Variants in GCNT1 observed in about 807,000 individuals in gnomAD.
The protein encoded by GCNT1 is beta-1,3-galactosyl-O-glycosyl-glycoprotein beta-1,6-N-acetylglucosaminyltransferase.
In GCNT1, 16 loss-of-function variants were observed where a neutral mutation model predicts 26.2. The observed-to-expected ratio is 0.61, with a 90% CI of 0.41 to 0.93. The LOEUF (loss-of-function observed/expected upper bound fraction) is 0.93, where lower values mean the gene tolerates loss of function less well. Among genes scored for constraint, GCNT1 ranks in the 40% least tolerant of loss-of-function variants. The pLI is 0.00. For missense variants in GCNT1, 477 were observed against 526.7 expected (o/e 0.91, Z 0.92); for synonymous variants, 183 against 190.8 (o/e 0.96, Z 0.34).
chr9:76,425,088 G>A (rs1161219668), intron 1 of GCNT1, among the ~76,000 whole-genome samples: 3 of 138,490 alleles, frequency 2.2e-5, no homozygotes, highest in South Asian at 4.7e-4. Context: ...GCAGTGAGCC[G>A]AGATCGTGCC....
intron 2 of GCNT1, among the ~76,000 whole-genome samples, chr9:76,480,175 TA>T (rs1739649397): frequency 6.6e-6 from 1 of 152,162 alleles, no homozygotes; most frequent in South Asian, 2.1e-4. Flanking sequence ...AGATGTGTGG[TA>T]TTATTTCTGA....
Position 76,503,965 on chromosome 9 carries a change from G to A in GCNT1, c.*297G>A, listed in dbSNP as rs762389698. On this transcript the variant is annotated 3_prime_UTR_variant, in exon 4 of 4. Transcript: ENST00000376730. ...GACCAGGGTGGCTGGGGAAGAGGCCGATGCATAAAGTCAGCCTGTTCAAAG... is the reference window on the plus strand; with the variant it reads ...GACCAGGGTGGCTGGGGAAGAGGCCAATGCATAAAGTCAGCCTGTTCAAAG... The A allele has an allele frequency of 1.1e-4, 43 of 395,616 alleles. No homozygotes were observed. Among genetic ancestry groups the A allele is most frequent in the Middle Eastern group, 7.8e-4 (1 of 1,280 alleles). 24.5% of individuals were successfully genotyped at this position (395,616 alleles called of 1,614,324 possible). A position where few individuals can be genotyped will look rare whatever the true frequency, so the allele number is the denominator to read the frequency against.
intron 1 of GCNT1, among the ~76,000 whole-genome samples, chr9:76,450,064 C>T (rs1237265826): frequency 2.6e-5 from 4 of 152,156 alleles, no homozygotes; most frequent in Non-Finnish European, 5.9e-5. Context: ...TGAGCCACTG[C>T]GCCCGGCCCT....
intron 2 of GCNT1, among the ~76,000 whole-genome samples, chr9:76,491,115 T>A (rs1824723483): frequency 6.6e-6 from 1 of 152,080 alleles, no homozygotes; most frequent in South Asian, 2.1e-4. Context: ...CTCTTTGACT[T>A]CTTCTTTGTC....
chr9:76,479,126 C>G (rs944648371), intron 2 of GCNT1, among the ~76,000 whole-genome samples: 1 of 151,762 alleles, frequency 6.6e-6, no homozygotes, highest in Non-Finnish European at 1.5e-5. Flanking sequence ...TTTGTCCTTG[C>G]GATAGTTTGC....
intron 2 of GCNT1, among the ~76,000 whole-genome samples, chr9:76,476,028 A>G (rs775582160): frequency 2.0e-5 from 3 of 152,202 alleles, no homozygotes; most frequent in Non-Finnish European, 4.4e-5. Flanking sequence ...TGGATTTTGA[A>G]CATGTAGAGG....
intron 2 of GCNT1, among the ~76,000 whole-genome samples, chr9:76,474,251 A>C (rs1167714141): frequency 1.1e-4 from 16 of 152,220 alleles, no homozygotes; most frequent in Admixed American, 1.0e-3. Context: ...TATATAATTA[A>C]AATGTATAGT....
chr9:76,462,458 G>C (rs1422732927), intron 2 of GCNT1, among the ~76,000 whole-genome samples: 4 of 152,086 alleles, frequency 2.6e-5, no homozygotes, highest in Non-Finnish European at 4.4e-5. Flanking sequence ...TCTGTTGTGG[G>C]GGCTGTCCTG....
chr9:76,422,024 G>A (rs539789576), intron 1 of GCNT1, among the ~76,000 whole-genome samples: 1 of 152,186 alleles, frequency 6.6e-6, no homozygotes, highest in East Asian at 1.9e-4. Flanking sequence ...AATCATGGTG[G>A]ATGACACCTC....
At chr9:76,418,895 G>C (rs888740348), upstream of GCNT1, among the ~76,000 whole-genome samples, 1 of 152,156 alleles carries the variant, frequency 6.6e-6, no homozygotes, top group Non-Finnish European at 1.5e-5. Flanking sequence ...ATGAGATTTC[G>C]GAGAGGGGAT....
chr9:76,467,145 C>T (rs1187023083), intron 2 of GCNT1, among the ~76,000 whole-genome samples: 2 of 152,058 alleles, frequency 1.3e-5, no homozygotes, highest in East Asian at 1.9e-4. Context: ...CAGGTTCAAG[C>T]GATTCTCCTG....
Position 76,505,000 on chromosome 9 carries a change from A to G in GCNT1, c.*1332A>G. On this transcript the variant is annotated 3_prime_UTR_variant, in exon 4 of 4. Coordinates refer to ENST00000376730, the MANE Select transcript of GCNT1 (RefSeq NM_001490.5). ...ATAAGACAGATAATTTGGGGTTGCTATAATGCTGTCACACATCTCAAAGTA... is the reference window on the plus strand; with the variant it reads ...ATAAGACAGATAATTTGGGGTTGCTGTAATGCTGTCACACATCTCAAAGTA... The G allele has an allele frequency of 2.4e-6, 1 of 413,326 alleles. No homozygotes were observed. The highest frequency in any genetic ancestry group is 4.4e-6 in the Non-Finnish European group (1 of 226,140). 25.6% of individuals were successfully genotyped at this position (413,326 alleles called of 1,614,324 possible).
chr9:76,490,158 G>A (rs1199021628), intron 2 of GCNT1, among the ~76,000 whole-genome samples: 1 of 151,792 alleles, frequency 6.6e-6, no homozygotes, highest in Non-Finnish European at 1.5e-5. Flanking sequence ...TCTAAGTGCC[G>A]GGCAGCATCT....
At position 76,460,167 on chromosome 9, in the gene GCNT1, C is replaced by T. The variant is rs1823840762; in HGVS notation, c.-300C>T. 6.6e-6 allele frequency: 1 copy of T among 152,242 alleles called. No individual in the cohort carries two copies. Among genetic ancestry groups the T allele is most frequent in the African/African-American group, 2.4e-5 (1 of 41,450 alleles). 9.4% of individuals were successfully genotyped at this position (152,242 alleles called of 1,614,324 possible). On this transcript the variant is annotated 5_prime_UTR_variant, in exon 2 of 4. Coordinates refer to ENST00000376730, the MANE Select transcript of GCNT1 (RefSeq NM_001490.5). ...CAGATCCCGGCTAGGGCACGGACCG[C>T]CTAGGCCGAGGTAGGTTCTGTAGGC...
intron 2 of GCNT1, among the ~76,000 whole-genome samples, chr9:76,500,601 T>G (rs1825038100): frequency 6.6e-6 from 1 of 152,148 alleles, no homozygotes; most frequent in South Asian, 2.1e-4. Context: ...GGGGAAAGGA[T>G]ATGTTGGATT....
At chr9:76,478,288 A>G (rs944292126) in intron 2 of GCNT1, among the ~76,000 whole-genome samples, 1 of 152,290 alleles carries the variant, frequency 6.6e-6, no homozygotes, top group South Asian at 2.1e-4. Context: ...CTGTGGCTTC[A>G]TTTGTGAAGT....
chr9:76,497,735 A>G (rs761152351), intron 2 of GCNT1, among the ~76,000 whole-genome samples: 8 of 152,200 alleles, frequency 5.3e-5, no homozygotes, highest in Non-Finnish European at 4.4e-5. Context: ...AATCCTGTTT[A>G]AGATAATTCT....
chr9:76,411,697 CTTTTTTTTT>C, the GCNT1 span, among the ~76,000 whole-genome samples: 8 of 83,648 alleles, frequency 9.6e-5, no homozygotes, highest in Admixed American at 1.6e-4. Flanking sequence ...ATCAATTATA[CTTTTTTTTT>C]TTTTTTTTTT....
At chr9:76,500,562 G>T (rs936678291) in intron 2 of GCNT1, among the ~76,000 whole-genome samples, 19 of 151,880 alleles carry the variant, frequency 1.3e-4, no homozygotes, top group Admixed American at 7.2e-4. Flanking sequence ...TCATTAATTT[G>T]CCAGTGAGCA....
Sources: allele counts gnomAD v4.1 joint callset (sites outside exome capture counted in the v4.1 genomes callset), GRCh38; gene constraint gnomAD v4.1.1; transcripts MANE v1.5; gene names NCBI Gene and HGNC (gene_info 2026-07-23, HGNC 2026-07-21).